Variants in ROBO2 observed in about 807,000 individuals in gnomAD.
ROBO2 encodes the protein roundabout guidance receptor 2.
Under a neutral mutation model 160.8 loss-of-function variants are expected in ROBO2, and 53 were observed. The ratio of observed to expected loss-of-function variants is 0.33; its 90% CI spans 0.26 to 0.41. The LOEUF is 0.41. ROBO2 is among the 10% of genes least tolerant of loss of function. ROBO2 has a pLI of 1.00. For missense variants in ROBO2, 1,577 were observed against 1,722.4 expected (o/e 0.92, Z 1.49); for synonymous variants, 664 against 611.7 (o/e 1.09, Z -1.26).
At chr3:76,468,346 T>C (rs2078467730) in intron 2 of ROBO2, among the ~76,000 whole-genome samples, 1 of 152,160 alleles carries the variant, frequency 6.6e-6, no homozygotes, top group South Asian at 2.1e-4. Flanking sequence ...TTAATTATCC[T>C]GTCTCCTGTT....
intron 2 of ROBO2, among the ~76,000 whole-genome samples, chr3:76,199,197 T>C (rs1702402866): frequency 1.3e-5 from 2 of 152,078 alleles, no homozygotes; most frequent in South Asian, 4.1e-4. Flanking sequence ...ATTCCTCAAA[T>C]GTGTATGAGA....
At chr3:76,885,715 A>G (rs2073809358) in intron 2 of ROBO2, among the ~76,000 whole-genome samples, 1 of 152,182 alleles carries the variant, frequency 6.6e-6, no homozygotes, top group South Asian at 2.1e-4. Flanking sequence ...TATATCAGGT[A>G]CCTCTAGTGC....
chr3:77,602,661 GCCACCACCACCA>G (rs879356392), intron 20 of ROBO2, among the ~76,000 whole-genome samples, 170 bp downstream of exon 21: 105 of 128,330 alleles, frequency 8.2e-4, no homozygotes, highest in African/African-American at 2.5e-3. Flanking sequence ...CACCACCACC[GCCACCACCACCA>G]CCACCACCAC....
At chr3:77,003,188 A>G (rs1266039019) in intron 2 of ROBO2, among the ~76,000 whole-genome samples, 1 of 152,206 alleles carries the variant, frequency 6.6e-6, no homozygotes, top group Non-Finnish European at 1.5e-5. Context: ...AATAACCTTC[A>G]TGAAATAAGA....
chr3:76,430,310 T>TA (rs911850978), intron 2 of ROBO2, among the ~76,000 whole-genome samples: 38 of 152,208 alleles, frequency 2.5e-4, no homozygotes, highest in Admixed American at 6.5e-4. Flanking sequence ...CAATATGAAA[T>TA]AAAAAATAAT....
intron 2 of ROBO2, among the ~76,000 whole-genome samples, chr3:76,462,358 GAT>G (rs1230863285): frequency 5.3e-5 from 8 of 152,072 alleles, no homozygotes; most frequent in East Asian, 3.9e-4. Context: ...GCGATTTTTT[GAT>G]ATGTTACATT....
chr3:77,022,348 T>A (rs946033447), intron 2 of ROBO2, among the ~76,000 whole-genome samples: 9 of 152,144 alleles, frequency 5.9e-5, no homozygotes, highest in African/African-American at 2.2e-4. Context: ...CCAGCCTGGG[T>A]GACAGAGTGA....
chr3:76,398,180 A>G (rs900755359), intron 2 of ROBO2, among the ~76,000 whole-genome samples: 1 of 152,218 alleles, frequency 6.6e-6, no homozygotes, highest in East Asian at 1.9e-4. Flanking sequence ...TTGTAGGGAC[A>G]TGGATGAAAT....
chr3:77,590,103 TTA>T (rs1320488280), intron 17 of ROBO2, among the ~76,000 whole-genome samples: 1 of 152,152 alleles, frequency 6.6e-6, no homozygotes, highest in Admixed American at 6.6e-5. Context: ...TTTGATGCAT[TTA>T]TATGTTTATG....
chr3:76,620,438 C>T lies in ROBO2; in HGVS notation c.110-477576C>T, dbSNP rs1207057155. 5.3e-5 allele frequency among the ~76,000 whole-genome samples: 8 copies of T among 151,996 alleles called. No individual in the cohort carries two copies. In the East Asian group the frequency reaches 1.3e-3, roughly 26 times the overall value. On this transcript the variant is annotated intron_variant, in intron 2 of 26. Coordinates refer to the ROBO2 transcript ENST00000487694. ...CGTGGAGCAAAAAAAATGGTATGTT[C>T]GAGGATGTAACTTTCATCTAAACCG...
chr3:77,072,999 T>A (rs1333625839), intron 1 of ROBO2, among the ~76,000 whole-genome samples: 2 of 152,200 alleles, frequency 1.3e-5, no homozygotes, highest in Non-Finnish European at 2.9e-5. Flanking sequence ...TTTACAAACA[T>A]GAACAGAAAA....
intron 2 of ROBO2, among the ~76,000 whole-genome samples, chr3:76,991,769 G>T (rs1311041399): frequency 1.3e-5 from 2 of 152,134 alleles, no homozygotes; most frequent in Non-Finnish European, 2.9e-5. Context: ...TGAATACATT[G>T]TTAGTGGGAG....
chr3:77,426,119 C>T (rs370120592), intron 2 of ROBO2, among the ~76,000 whole-genome samples: 31 of 152,160 alleles, frequency 2.0e-4, no homozygotes, highest in Middle Eastern at 3.4e-3. Context: ...CGTTAAAGGT[C>T]GTTCAGCTGT....
At chr3:75,980,551 C>G (rs1254695267) in intron 2 of ROBO2, among the ~76,000 whole-genome samples, 8 of 151,604 alleles carry the variant, frequency 5.3e-5, no homozygotes, top group Non-Finnish European at 8.9e-5. Flanking sequence ...GTGGAGGAAG[C>G]AGTAGTTTAT....
intron 2 of ROBO2, among the ~76,000 whole-genome samples, chr3:76,259,467 G>T (rs1028398660): frequency 1.3e-5 from 2 of 152,104 alleles, no homozygotes; most frequent in African/African-American, 4.8e-5. Context: ...GGATTTATCT[G>T]TTTGAGAGTC....
At chr3:76,892,983 T>C (rs1012087338) in intron 2 of ROBO2, among the ~76,000 whole-genome samples, 1 of 152,182 alleles carries the variant, frequency 6.6e-6, no homozygotes, top group South Asian at 2.1e-4. Context: ...TACCTGCCGA[T>C]GTGGCCAACC....
chr3:76,769,245 T>C (rs2061745272), intron 2 of ROBO2, among the ~76,000 whole-genome samples: 1 of 151,448 alleles, frequency 6.6e-6, no homozygotes, highest in African/African-American at 2.4e-5. Context: ...GAACAACAGT[T>C]ATTAGTATTT....
intron 2 of ROBO2, among the ~76,000 whole-genome samples, chr3:77,454,471 A>T (rs1318297702): frequency 6.6e-6 from 1 of 152,102 alleles, no homozygotes; most frequent in Non-Finnish European, 1.5e-5. Context: ...ACACCCTTTC[A>T]TTTAGTCATT....
chr3:76,745,090 T>C (rs529790452), intron 2 of ROBO2, among the ~76,000 whole-genome samples: 4 of 152,318 alleles, frequency 2.6e-5, no homozygotes, highest in Admixed American at 2.6e-4. Flanking sequence ...AAAAGATTTG[T>C]CTTTCCTTAA....
Sources: gnomAD v4.1 joint callset for allele counts (sites outside exome capture counted in the v4.1 genomes callset) on GRCh38, gnomAD v4.1.1 for gene constraint, MANE v1.5 for transcripts, NCBI Gene and HGNC (gene_info 2026-07-23, HGNC 2026-07-21) for gene names.